MTMR14: variants seen among roughly 807,000 people sequenced by gnomAD.
MTMR14 encodes myotubularin related protein 14, also known as phosphatidylinositol-3,5-bisphosphate 3-phosphatase MTMR14.
Under a neutral mutation model 86.3 loss-of-function variants are expected in MTMR14, and 48 were observed. That is an observed-to-expected ratio of 0.56 (90% CI 0.44 to 0.71). The LOEUF (loss-of-function observed/expected upper bound fraction) is 0.71. Ranked by LOEUF, MTMR14 falls within the 30% of genes least tolerant of loss-of-function variation. The probability of loss-of-function intolerance (pLI) is 0.00; values close to 1 mark genes in which losing one functional copy is unlikely to be tolerated. For synonymous variants in MTMR14, 366 were observed against 326.1 expected (o/e 1.12, Z -1.32); for missense variants, 780 against 834.6 (o/e 0.93, Z 0.81).
At chr3:9,688,547 G>A (rs2076036135) in intron 14 of MTMR14, 149 bp from the exon 15 acceptor site, 1 of 850,332 alleles carries the variant, frequency 1.2e-6, no homozygotes, top group East Asian at 2.7e-5. Flanking sequence ...AAGTGGCCCT[G>A]GTGTCTTATA....
intron 1 of MTMR14, among the ~76,000 whole-genome samples, 156 bp from the exon 2 acceptor site, chr3:9,653,465 G>A (rs575263638): frequency 1.3e-4 from 20 of 152,062 alleles, no homozygotes; most frequent in South Asian, 2.1e-4. Context: ...TGGACTACAC[G>A]TAGGACCTGT....
chr3:9,677,889 T>C lies in MTMR14; in HGVS notation c.823-95T>C. The C allele has an allele frequency of 9.1e-7, 1 of 1,098,138 alleles. No individual in the cohort carries two copies. The highest frequency in any genetic ancestry group is 1.4e-6 in the Non-Finnish European group (1 of 736,164). The allele number at this position is 1,098,138 out of a possible 1,614,324, so 68.0% of individuals were successfully genotyped here. ...TGGCCCAGAGAAGGCAAGCACTGCCTGTGGTAGTCACAGCCTCAGGACTGC... is the reference window on the plus strand; with the variant it reads ...TGGCCCAGAGAAGGCAAGCACTGCCCGTGGTAGTCACAGCCTCAGGACTGC... On this transcript the variant is annotated intron_variant, in intron 8 of 18. Coordinates refer to ENST00000296003, the MANE Select transcript of MTMR14 (RefSeq NM_001077525.3). This position sits in a 1 kb window ranked among gnomAD's most constrained non-coding sequence, Gnocchi z 4.2.
intron 14 of MTMR14, 49 bp downstream of exon 14, chr3:9,687,940 G>A: frequency 6.7e-7 from 1 of 1,487,580 alleles, no homozygotes; most frequent in Non-Finnish European, 9.2e-7. Flanking sequence ...GCTCTGAGAA[G>A]GGCTGCTCCC....
At chr3:9,689,204 C>T (rs927786932) in intron 16 of MTMR14, 122 bp downstream of exon 16, 63 of 1,412,184 alleles carry the variant, frequency 4.5e-5, no homozygotes, top group Non-Finnish European at 6.0e-5. Context: ...GAGAGGATAG[C>T]TCCGTGCTCC....
chr3:9,689,137 G>A, intron 16 of MTMR14, 55 bp downstream of exon 16: 3 of 1,598,912 alleles, frequency 1.9e-6, no homozygotes, highest in Non-Finnish European at 2.5e-6. Flanking sequence ...GGGGCCATCA[G>A]CACCAGGGAG....
chr3:9,693,008 T>A (rs963231754), intron 17 of MTMR14, among the ~76,000 whole-genome samples: 1 of 152,232 alleles, frequency 6.6e-6, no homozygotes, highest in South Asian at 2.1e-4. Context: ...TCCATTTTCT[T>A]ATCTGTGTAA....
chr3:9,694,422 G>A (rs111789689), intron 17 of MTMR14, among the ~76,000 whole-genome samples: 9 of 152,312 alleles, frequency 5.9e-5, no homozygotes, highest in Admixed American at 2.6e-4. Context: ...TCAGAGAATC[G>A]TTTGAACCCA....
intron 13 of MTMR14, among the ~76,000 whole-genome samples, chr3:9,686,444 G>A (rs920959969): frequency 1.2e-4 from 19 of 152,218 alleles, no homozygotes; most frequent in South Asian, 8.3e-4. Context: ...GTAGACAAGA[G>A]GCTCTCCTCA....
chr3:9,668,622 A>T, intron 3 of MTMR14, 97 bp from the exon 4 acceptor site: 2 of 1,318,122 alleles, frequency 1.5e-6, no homozygotes, highest in Non-Finnish European at 2.2e-6. Context: ...TGGGCCCGTT[A>T]TGCTGGCCTG....
At position 9,691,719 on chromosome 3, in the gene MTMR14, C is replaced by T. The variant is rs544132215; in HGVS notation, c.1613+1576C>T. Among the ~76,000 whole-genome samples, 8 of 152,264 alleles carry T rather than the reference C, an allele frequency of 5.3e-5. No homozygotes were observed. The East Asian group carries it at 1.4e-3, about 26-fold the overall frequency. On this transcript the variant is annotated intron_variant, in intron 17 of 18. Transcript: ENST00000296003. ...CACAGGTGACTTTCTGCTTGCAGGG[C>T]GTGTCTCAGGCTCTTGTAGCCAGTC...
intron 17 of MTMR14, among the ~76,000 whole-genome samples, chr3:9,692,601 C>G (rs2076170189): frequency 1.3e-5 from 2 of 152,186 alleles, no homozygotes; most frequent in Admixed American, 1.3e-4. Flanking sequence ...GGCCTCTGCT[C>G]TGGAGTCATG....
At chr3:9,672,613 C>T in intron 6 of MTMR14, 72 bp from the exon 7 acceptor site, 1 of 1,302,686 alleles carries the variant, frequency 7.7e-7, no homozygotes, top group East Asian at 2.3e-5. Context: ...TGATTATAAC[C>T]CTTATTTGGG....
intron 1 of MTMR14, chr3:9,650,517 C>T (rs1056891481): frequency 3.8e-5 from 14 of 368,992 alleles, no homozygotes; most frequent in Non-Finnish European, 6.1e-5. Flanking sequence ...CTGATTTGAC[C>T]TCAGAGATTA....
At chr3:9,686,563 G>A (rs1406636903) in intron 13 of MTMR14, among the ~76,000 whole-genome samples, 5 of 152,178 alleles carry the variant, frequency 3.3e-5, no homozygotes, top group Admixed American at 6.5e-5. Flanking sequence ...CGATTGTGTC[G>A]TCTCCCCACC....
At chr3:9,670,247 A>C (rs1259165320) in intron 5 of MTMR14, among the ~76,000 whole-genome samples, 1 of 152,232 alleles carries the variant, frequency 6.6e-6, no homozygotes, top group Admixed American at 6.5e-5. Flanking sequence ...TGCTATGCCC[A>C]GGTTCTGCCT....
At chr3:9,673,985 G>C (rs1309506550) in intron 7 of MTMR14, among the ~76,000 whole-genome samples, 3 of 152,130 alleles carry the variant, frequency 2.0e-5, no homozygotes, top group Non-Finnish European at 4.4e-5. Flanking sequence ...ATGCTGGAGT[G>C]AGCTTGGCAG....
At chr3:9,660,307 G>A (rs968999488) in intron 2 of MTMR14, among the ~76,000 whole-genome samples, 1 of 152,056 alleles carries the variant, frequency 6.6e-6, no homozygotes, top group South Asian at 2.1e-4. Flanking sequence ...CGCCCAGGCT[G>A]GAGTGCAATG....
Position 9,702,096 on chromosome 3 carries a change from C to T in MTMR14, c.*123C>T. 1 of 1,274,768 alleles carries T rather than the reference C, an allele frequency of 7.8e-7. No homozygotes were observed. Among genetic ancestry groups the T allele is most frequent in the Non-Finnish European group, 1.1e-6 (1 of 896,046 alleles). 79.0% of individuals were successfully genotyped at this position (1,274,768 alleles called of 1,614,324 possible). The stretch of plus-strand genomic sequence containing the variant: ...GGAAATTTCAGTCCCCCATCTCCAT[C>T]ATGAACATGGCAGCCCCAAAGCTGA... On this transcript the variant is annotated 3_prime_UTR_variant, in exon 19 of 19. Coordinates refer to ENST00000296003, the MANE Select transcript of MTMR14 (RefSeq NM_001077525.3).
Position 9,677,890 on chromosome 3 carries a change from G to A in MTMR14, c.823-94G>A, listed in dbSNP as rs2075634769. 9.0e-7 allele frequency: 1 copy of A among 1,108,136 alleles called. No homozygotes were observed. The highest frequency in any genetic ancestry group is 1.4e-5 in the South Asian group (1 of 71,584). The allele number at this position is 1,108,136 out of a possible 1,614,324, so 68.6% of individuals were successfully genotyped here. ...GGCCCAGAGAAGGCAAGCACTGCCTGTGGTAGTCACAGCCTCAGGACTGCA... is the reference window on the plus strand; with the variant it reads ...GGCCCAGAGAAGGCAAGCACTGCCTATGGTAGTCACAGCCTCAGGACTGCA... On this transcript the variant is annotated intron_variant, in intron 8 of 18. Transcript: ENST00000296003. The surrounding 1 kb of genome is among the most constrained non-coding windows in gnomAD (Gnocchi z 4.2).
Sources: allele counts gnomAD v4.1 joint callset (sites outside exome capture counted in the v4.1 genomes callset), GRCh38; gene constraint gnomAD v4.1.1; non-coding constraint Gnocchi (gnomAD v3.1); transcripts MANE v1.5; gene names NCBI Gene and HGNC (gene_info 2026-07-23, HGNC 2026-07-21).